Variants in SEC14L2 observed in about 807,000 individuals in gnomAD.
SEC14L2 encodes the protein SEC14-like protein 2.
SEC14L2 carries 50 observed loss-of-function variants against 56.9 expected under a neutral mutation model. The ratio of observed to expected loss-of-function variants is 0.88; its 90% CI spans 0.70 to 1.11. SEC14L2 has a LOEUF of 1.11. SEC14L2 is among the 50% of genes most tolerant of loss of function. The pLI, the probability that SEC14L2 is intolerant of heterozygous loss-of-function variation, is 0.00. For synonymous variants in SEC14L2, 179 were observed against 188.5 expected (o/e 0.95, Z 0.41); for missense variants, 414 against 500.7 (o/e 0.83, Z 1.65).
chr22:30,398,972 T>C (rs2146001188), intron 1 of SEC14L2, among the ~76,000 whole-genome samples: 1 of 152,350 alleles, frequency 6.6e-6, no homozygotes, highest in Non-Finnish European at 1.5e-5. Flanking sequence ...AGATCAGCGC[T>C]GAGCGACAGG....
intron 8 of SEC14L2, among the ~76,000 whole-genome samples, chr22:30,413,233 G>T (rs2146032472): frequency 6.6e-6 from 1 of 152,316 alleles, no homozygotes. Flanking sequence ...GGGAGACTGA[G>T]AAGTGATTAA....
At chr22:30,401,186 G>GATTGATTT (rs373958606) in intron 2 of SEC14L2, among the ~76,000 whole-genome samples, 7 of 146,326 alleles carry the variant, frequency 4.8e-5, no homozygotes, top group Admixed American at 1.4e-4. Flanking sequence ...GGTCTCAAGT[G>GATTGATTT]ATTTATTTAT....
At chr22:30,398,473 G>C (rs1031720737) in intron 1 of SEC14L2, 1 of 346,410 alleles carries the variant, frequency 2.9e-6, no homozygotes, top group African/African-American at 2.1e-5. Context: ...GGGAGCAGGA[G>C]GCTCAGGGAG....
In SEC14L2 at chr22:30,408,941, T is replaced by C. The variant is rs1163111541; in HGVS notation, c.424-246T>C. The C allele has an allele frequency of 7.1e-6, 4 of 564,678 alleles. No homozygotes were observed. The Admixed American group carries it at 7.5e-5, about 11-fold the overall frequency. The allele number at this position is 564,678 out of a possible 1,614,324, so 35.0% of individuals were successfully genotyped here. ...GCCAAACTGCAGAACCAAAGCCATC[T>C]CAGATGTCATCTAGATCCACCCAGT... On this transcript the variant is annotated intron_variant, in intron 5 of 11. Transcript: ENST00000615189.
chr22:30,407,569 T>C lies in SEC14L2; in HGVS notation c.389T>C (p.Leu130Pro). Residue 130 changes from leucine (L) to proline (P), a missense_variant, in exon 5 of 12, where the codon CTG becomes CCG. Coordinates refer to ENST00000615189, the MANE Select transcript of SEC14L2 (RefSeq NM_012429.5). ...LLRTKMRECE[L>P]LLQECAHQTT... ...AGGACCAAGATGCGGGAGTGTGAGC[T>C]GCTTCTGCAAGAGTGTGCCCACCAG... 1 of 1,614,114 alleles carries C rather than the reference T, an allele frequency of 6.2e-7. No individual in the cohort carries two copies. The highest frequency in any genetic ancestry group is 8.5e-7 in the Non-Finnish European group (1 of 1,180,018).
At chr22:30,399,542 C>CAAAT in intron 1 of SEC14L2, 101 bp from the exon 2 acceptor site, 1 of 373,780 alleles carries the variant, frequency 2.7e-6, no homozygotes, top group Non-Finnish European at 4.7e-6. Context: ...AAAAAAGAAA[C>CAAAT]AAAGAAAGAG....
intron 2 of SEC14L2, chr22:30,400,207 G>GA: frequency 6.5e-6 from 1 of 154,966 alleles, no homozygotes; most frequent in Non-Finnish European, 1.4e-5. Context: ...TGGGGAACCT[G>GA]AGGGGCACAG....
At chr22:30,405,073 A>AG (rs1053098786) in intron 2 of SEC14L2, among the ~76,000 whole-genome samples, 1 of 151,954 alleles carries the variant, frequency 6.6e-6, no homozygotes, top group Non-Finnish European at 1.5e-5. Context: ...TGTCTCAAAA[A>AG]AAAAAAGAAA....
chr22:30,409,586 T>A (rs937080920), intron 7 of SEC14L2, 100 bp downstream of exon 7: 2 of 1,116,640 alleles, frequency 1.8e-6, no homozygotes, highest in African/African-American at 3.1e-5. Flanking sequence ...AAAGAGGGGG[T>A]CTGAGGACAT....
chr22:30,402,404 C>G (rs936798835), intron 2 of SEC14L2, among the ~76,000 whole-genome samples: 2 of 152,174 alleles, frequency 1.3e-5, no homozygotes, highest in African/African-American at 4.8e-5. Flanking sequence ...TCTCCTGATT[C>G]CTGGGGAGCC....
In SEC14L2 at chr22:30,416,435, G is replaced by A. The variant is rs1934393775; in HGVS notation, c.1081+32G>A. The A allele has an allele frequency of 1.9e-6, 3 of 1,614,238 alleles. No individual in the cohort carries two copies. The South Asian group carries it at 3.3e-5, about 18-fold the overall frequency. ...ATCTCTGCCTTGGCAATGCCTTGAA[G>A]CCCCATGTCCAGCTTTCTGCCTGTG... On this transcript the variant is annotated intron_variant, in intron 11 of 11. Coordinates refer to ENST00000615189, the MANE Select transcript of SEC14L2 (RefSeq NM_012429.5).
At position 30,416,649 on chromosome 22, in the gene SEC14L2, TAGG is replaced by T. The variant is rs1934399363; in HGVS notation, c.1081+247_1081+249del. On this transcript the variant is annotated intron_variant, in intron 11 of 11. Coordinates refer to ENST00000615189, the MANE Select transcript of SEC14L2 (RefSeq NM_012429.5). ...CCTAGGTATGGGTGAGTCACAGTCC[TAGG>T]CGATCACAGGGGTTCAACACGTCTG... 2.8e-6 allele frequency: 4 copies of T among 1,436,298 alleles called. No individual in the cohort carries two copies. The South Asian group carries it at 6.0e-5, about 21-fold the overall frequency. 89.0% of individuals were successfully genotyped at this position (1,436,298 alleles called of 1,614,324 possible).
chr22:30,413,477 C>A (rs1485191640), intron 8 of SEC14L2, among the ~76,000 whole-genome samples: 1 of 151,898 alleles, frequency 6.6e-6, no homozygotes, highest in South Asian at 2.1e-4. Context: ...CCCAGCTACT[C>A]GGGAGGCTGA....
chr22:30,404,445 G>A (rs1934036872), intron 2 of SEC14L2, among the ~76,000 whole-genome samples: 1 of 152,180 alleles, frequency 6.6e-6, no homozygotes, highest in South Asian at 2.1e-4. Flanking sequence ...AGAGAGCGAT[G>A]GTTAAGGGAC....
At chr22:30,401,546 C>T (rs746782215) in intron 2 of SEC14L2, among the ~76,000 whole-genome samples, 1 of 151,636 alleles carries the variant, frequency 6.6e-6, no homozygotes, top group Non-Finnish European at 1.5e-5. Flanking sequence ...CAGAGTCTCA[C>T]TCTGTCGCCC....
chr22:30,399,711 G>C lies in SEC14L2; in HGVS notation c.123G>C (p.Trp41Cys). Residue 41 changes from tryptophan (W) to cysteine (C), a missense_variant, in exon 2 of 12, where the codon TGG becomes TGC. Coordinates refer to ENST00000615189, the MANE Select transcript of SEC14L2 (RefSeq NM_012429.5). Reference sequence around the variant, plus strand: ...CAGATGACTATTTTCTCCTGCGTTGGCTCCGAGGTGAGGGAAGAGGGGCTG... The same window carrying C: ...CAGATGACTATTTTCTCCTGCGTTGCCTCCGAGGTGAGGGAAGAGGGGCTG... ...PNPDDYFLLR[W>C]LRARSFDLQK... The C allele has an allele frequency of 6.2e-7, 1 of 1,613,414 alleles. No homozygotes were observed. The highest frequency in any genetic ancestry group is 8.5e-7 in the Non-Finnish European group (1 of 1,179,784).
At chr22:30,416,436 C>G in intron 11 of SEC14L2, 33 bp downstream of exon 11, 2 of 1,614,222 alleles carry the variant, frequency 1.2e-6, no homozygotes, top group South Asian at 1.1e-5. Flanking sequence ...TGCCTTGAAG[C>G]CCCATGTCCA....
intron 8 of SEC14L2, among the ~76,000 whole-genome samples, chr22:30,411,890 C>T (rs1934260886): frequency 6.6e-6 from 1 of 152,120 alleles, no homozygotes; most frequent in South Asian, 2.1e-4. Context: ...AGCACCCACT[C>T]CACCTGAGCT....
chr22:30,406,229 T>G (rs1934088330), intron 2 of SEC14L2, 113 bp from the exon 3 acceptor site: 3 of 1,002,110 alleles, frequency 3.0e-6, no homozygotes, highest in Non-Finnish European at 4.6e-6. Flanking sequence ...GAGGGTTAGC[T>G]GGAGAGATGA....
Sources: allele counts gnomAD v4.1 joint callset (sites outside exome capture counted in the v4.1 genomes callset), GRCh38; gene constraint gnomAD v4.1.1; transcripts MANE v1.5; gene names NCBI Gene and HGNC (gene_info 2026-07-23, HGNC 2026-07-21).